The following THSD7B variants were observed in gnomAD, a reference collection of about 807,000 sequenced individuals.
THSD7B encodes thrombospondin type-1 domain-containing protein 7B.
A neutral mutation model predicts 213.6 loss-of-function variants in THSD7B; 138 were observed. The ratio of observed to expected loss-of-function variants is 0.65; its 90% CI spans 0.56 to 0.74. The LOEUF (loss-of-function observed/expected upper bound fraction) is 0.74, where lower values mean the gene tolerates loss of function less well. Among genes scored for constraint, THSD7B ranks in the 30% least tolerant of loss-of-function variants. The pLI is 0.00. For synonymous variants in THSD7B, 742 were observed against 687.0 expected (o/e 1.08, Z -1.25); for missense variants, 1,931 against 1,991.5 (o/e 0.97, Z 0.58).
At chr2:137,572,716 A>G (rs1312234168) in intron 17 of THSD7B, among the ~76,000 whole-genome samples, 160 bp downstream of exon 17, 1 of 152,168 alleles carries the variant, frequency 6.6e-6, no homozygotes, top group Non-Finnish European at 1.5e-5. Context: ...AAAGAAAAAA[A>G]AAGTCTGCAA....
chr2:136,864,081 T>G (rs1683295649), intron 1 of THSD7B, among the ~76,000 whole-genome samples: 1 of 152,186 alleles, frequency 6.6e-6, no homozygotes, highest in Admixed American at 6.5e-5. Flanking sequence ...ATTTTTAAAG[T>G]AGTCATTACA....
intron 17 of THSD7B, among the ~76,000 whole-genome samples, chr2:137,581,756 T>G (rs1681580250): frequency 7.2e-6 from 1 of 139,072 alleles, no homozygotes; most frequent in Non-Finnish European, 1.5e-5. Flanking sequence ...CGAGACTCCG[T>G]CTCAAAAAAA....
chr2:136,921,632 A>G (rs950657328), intron 2 of THSD7B, among the ~76,000 whole-genome samples: 1 of 152,096 alleles, frequency 6.6e-6, no homozygotes, highest in African/African-American at 2.4e-5. Context: ...TTAATTTTGC[A>G]TTTTCTTGAT....
intron 15 of THSD7B, among the ~76,000 whole-genome samples, chr2:137,477,423 A>G (rs1469829105): frequency 6.6e-6 from 1 of 152,122 alleles, no homozygotes; most frequent in Non-Finnish European, 1.5e-5. Flanking sequence ...TCTTATAGGC[A>G]GCATATAATT....
intron 12 of THSD7B, among the ~76,000 whole-genome samples, chr2:137,347,996 T>G (rs1684916241): frequency 6.6e-6 from 1 of 151,480 alleles, no homozygotes; most frequent in Non-Finnish European, 1.5e-5. Flanking sequence ...AAAGCATTAC[T>G]AGAGGAAATG....
In THSD7B at chr2:137,493,989, G is replaced by T. The variant is rs979878898; in HGVS notation, c.3138+42966G>T. Among the ~76,000 whole-genome samples, 19 of 152,120 alleles carry T rather than the reference G, an allele frequency of 1.2e-4. No homozygotes were observed. The East Asian group carries it at 3.5e-3, about 28-fold the overall frequency. On this transcript the variant is annotated intron_variant, in intron 15 of 27. Transcript: ENST00000409968. The stretch of plus-strand genomic sequence containing the variant: ...ATTAAATTTGATGCATGACATTTTT[G>T]AATGTAAAATTTTACTAGTAAATAA...
In THSD7B at chr2:137,411,712, C is replaced by T. The variant is rs756310510; in HGVS notation, c.2799C>T (p.Asn933=). 11 of 1,613,846 alleles carry T rather than the reference C, an allele frequency of 6.8e-6. No individual in the cohort carries two copies. The highest frequency in any genetic ancestry group is 5.5e-5 in the South Asian group (5 of 91,090). Residue 933 remains asparagine (N), a synonymous_variant, in exon 14 of 28, where the codon AAC becomes AAT. Transcript: ENST00000409968. The part of the protein sequence containing the change: ...CDEFISQPYG[N]WSDCILPEGR... ...AATTTATATCCCAACCTTATGGAAA[C>T]TGGTCAGATTGCATTCTTCCAGAAG... is the stretch of plus-strand genomic sequence containing the variant.
At chr2:136,784,920 A>G (rs1428069437) in intron 1 of THSD7B, among the ~76,000 whole-genome samples, 2 of 152,178 alleles carry the variant, frequency 1.3e-5, no homozygotes, top group Non-Finnish European at 1.5e-5. Context: ...AACAATCTCT[A>G]TTTTCATAAT....
At chr2:136,807,525 T>TTTTTTTTTTTTTTA (rs70975713) in intron 1 of THSD7B, among the ~76,000 whole-genome samples, 4 of 148,818 alleles carry the variant, frequency 2.7e-5, no homozygotes, top group African/African-American at 5.0e-5. Context: ...TTTTTTTTTT[T>TTTTTTTTTTTTTTA]GAGACGGAGT....
intron 12 of THSD7B, among the ~76,000 whole-genome samples, chr2:137,356,328 A>G (rs959245829): frequency 6.6e-6 from 1 of 152,008 alleles, no homozygotes; most frequent in African/African-American, 2.4e-5. Context: ...TTAGGAATCC[A>G]CCTTAAAAAT....
intron 2 of THSD7B, among the ~76,000 whole-genome samples, chr2:137,054,985 T>A (rs1008813018): frequency 5.3e-5 from 8 of 152,112 alleles, no homozygotes; most frequent in African/African-American, 1.9e-4. Context: ...CCTGTGTCCA[T>A]GTGTTCTCAT....
At chr2:137,054,178 C>T (rs951111981) in intron 2 of THSD7B, among the ~76,000 whole-genome samples, 5 of 152,170 alleles carry the variant, frequency 3.3e-5, no homozygotes, top group African/African-American at 1.2e-4. Context: ...CCGTTTTCAA[C>T]GCGTGTTCTC....
chr2:137,218,534 CGGTT>C (rs1558962591), intron 7 of THSD7B, among the ~76,000 whole-genome samples: 9 of 151,784 alleles, frequency 5.9e-5, no homozygotes, highest in Non-Finnish European at 1.3e-4. Context: ...AGACAAAGTA[CGGTT>C]TGTTCTTCTT....
chr2:137,331,090 A>G (rs1416913952), intron 12 of THSD7B, among the ~76,000 whole-genome samples: 2 of 151,754 alleles, frequency 1.3e-5, no homozygotes, highest in African/African-American at 4.8e-5. Flanking sequence ...TGTGTTTACA[A>G]ACCTTGAGCT....
intron 27 of THSD7B, among the ~76,000 whole-genome samples, chr2:137,675,733 A>G (rs1332143835): frequency 6.6e-6 from 1 of 152,098 alleles, no homozygotes; most frequent in Non-Finnish European, 1.5e-5. Flanking sequence ...ACAGGGAGAG[A>G]GATGAAGCCG....
At chr2:136,860,292 T>C (rs1683240320) in intron 1 of THSD7B, among the ~76,000 whole-genome samples, 2 of 152,088 alleles carry the variant, frequency 1.3e-5, no homozygotes, top group Admixed American at 1.3e-4. Context: ...TCTCTATCCA[T>C]TCTCACACTA....
chr2:137,303,217 C>A (rs1683648100), intron 12 of THSD7B, among the ~76,000 whole-genome samples: 1 of 152,144 alleles, frequency 6.6e-6, no homozygotes, highest in Non-Finnish European at 1.5e-5. Context: ...GAGACATAAT[C>A]TCACTTTGTT....
chr2:136,885,369 T>C (rs996105632), intron 2 of THSD7B, among the ~76,000 whole-genome samples: 2 of 152,118 alleles, frequency 1.3e-5, no homozygotes, highest in Non-Finnish European at 2.9e-5. Context: ...GAGTGTATTA[T>C]GTTTTTTAGG....
chr2:137,395,288 T>A (rs1436488867), intron 12 of THSD7B, among the ~76,000 whole-genome samples: 3 of 147,934 alleles, frequency 2.0e-5, no homozygotes, highest in Admixed American at 1.3e-4. Context: ...AGTATGATAT[T>A]GGCTGTGGGT....
Sources: gnomAD v4.1 joint callset for allele counts (sites outside exome capture counted in the v4.1 genomes callset) on GRCh38, gnomAD v4.1.1 for gene constraint, MANE v1.5 for transcripts, NCBI Gene and HGNC (gene_info 2026-07-23, HGNC 2026-07-21) for gene names.